The following C10orf90 variants were observed in gnomAD, a reference collection of about 807,000 sequenced individuals.
The protein encoded by C10orf90 is (E2-independent) E3 ubiquitin-conjugating enzyme FATS.
C10orf90 carries 56 observed loss-of-function variants against 62.5 expected under a neutral mutation model. That is an observed-to-expected ratio of 0.90 (90% CI 0.72 to 1.12). The LOEUF (loss-of-function observed/expected upper bound fraction) is 1.12. C10orf90 is among the 50% of genes most tolerant of loss of function. The pLI is 0.00. For missense variants in C10orf90, 970 were observed against 880.4 expected (o/e 1.10, Z -1.29); for synonymous variants, 386 against 340.4 (o/e 1.13, Z -1.47).
Position 126,504,019 on chromosome 10 carries a change from C to T in C10orf90, c.1472G>A (p.Cys491Tyr), listed in dbSNP as rs992291778. 1 of 1,613,942 alleles carries T rather than the reference C, an allele frequency of 6.2e-7. No individual in the cohort carries two copies. Reference protein sequence around the residue: ...RKGEKDHTTHCHASDHANQLS... With the variant: ...RKGEKDHTTHYHASDHANQLS... The stretch of plus-strand genomic sequence containing the variant: ...TTGGTTGGCATGATCGCTGGCGTGA[C>T]AATGAGTTGTATGGTCCTTTTCCCC... The change falls in exon 4 of 10, where the codon TGT becomes TAT. Residue 491 changes from cysteine (C) to tyrosine (Y), a missense_variant. Coordinates refer to ENST00000488181, the MANE Select transcript of C10orf90 (RefSeq NM_001350921.2). The surrounding 1 kb of genome is among the most constrained non-coding windows in gnomAD (Gnocchi z 4.1).
chr10:126,553,977 A>AT (rs1864699221), intron 2 of C10orf90, among the ~76,000 whole-genome samples: 1 of 152,134 alleles, frequency 6.6e-6, no homozygotes, highest in Non-Finnish European at 1.5e-5. Flanking sequence ...AAAAAACCCT[A>AT]TACCTACCCT....
chr10:126,555,721 A>T (rs554699169), intron 2 of C10orf90, among the ~76,000 whole-genome samples: 14 of 94,120 alleles, frequency 1.5e-4, no homozygotes, highest in Non-Finnish European at 3.1e-4. Flanking sequence ...AATAAATAAA[A>T]ATTAAATAAA....
chr10:126,559,414 C>T (rs531497304), intron 2 of C10orf90, among the ~76,000 whole-genome samples: 1 of 152,284 alleles, frequency 6.6e-6, no homozygotes, highest in South Asian at 2.1e-4. Context: ...AACATTTGCT[C>T]TCATCTGTCA....
chr10:126,484,152 C>T (rs867619381), intron 4 of C10orf90, among the ~76,000 whole-genome samples: 1 of 152,030 alleles, frequency 6.6e-6, no homozygotes, highest in East Asian at 1.9e-4. Flanking sequence ...AATTCATATG[C>T]CTTCTATATT....
In C10orf90 at chr10:126,555,280, G is replaced by T. The variant is rs536983153; in HGVS notation, c.314-41341C>A. The stretch of plus-strand genomic sequence containing the variant: ...AGCAGAGGGGTGAGGAGTAGGAAAT[G>T]AAACAAAAAAATAGAGCAGTATCCA... On this transcript the variant is annotated intron_variant, in intron 2 of 9. Transcript: ENST00000488181. 6.6e-5 allele frequency among the ~76,000 whole-genome samples: 10 copies of T among 151,802 alleles called. No individual in the cohort carries two copies. In the South Asian group the frequency reaches 1.9e-3, roughly 28 times the overall value.
At chr10:126,448,877 T>A (rs540621908) in intron 7 of C10orf90, among the ~76,000 whole-genome samples, 1 of 152,264 alleles carries the variant, frequency 6.6e-6, no homozygotes, top group South Asian at 2.1e-4. Context: ...GTAAGGAAAT[T>A]GAATCAGAAA....
intron 2 of C10orf90, among the ~76,000 whole-genome samples, chr10:126,579,736 C>G (rs924841453): frequency 2.0e-5 from 3 of 151,314 alleles, no homozygotes; most frequent in African/African-American, 4.9e-5. Flanking sequence ...TGCAAAATAT[C>G]TCACATATGT....
intron 2 of C10orf90, among the ~76,000 whole-genome samples, chr10:126,567,511 G>A (rs1844418139): frequency 1.3e-5 from 2 of 152,154 alleles, no homozygotes; most frequent in South Asian, 2.1e-4. Context: ...CGGGAGGCAT[G>A]AGACCCTCTT....
chr10:126,440,114 T>G (rs1013354764), intron 7 of C10orf90, among the ~76,000 whole-genome samples: 1 of 152,198 alleles, frequency 6.6e-6, no homozygotes, highest in East Asian at 1.9e-4. Flanking sequence ...GGGGAAGAAC[T>G]AAAGCCCTTT....
intron 2 of C10orf90, among the ~76,000 whole-genome samples, chr10:126,643,611 G>A (rs1342441549): frequency 2.6e-5 from 4 of 152,176 alleles, no homozygotes; most frequent in Non-Finnish European, 4.4e-5. Flanking sequence ...GGGTCCGCAC[G>A]CTCTTGCTGC....
intron 4 of C10orf90, among the ~76,000 whole-genome samples, chr10:126,473,643 A>G (rs1009196362): frequency 1.4e-5 from 2 of 146,150 alleles, no homozygotes; most frequent in African/African-American, 5.2e-5. Context: ...CCACCTCTGG[A>G]TTTTTATTTT....
At chr10:126,586,139 T>A (rs148320231) in intron 2 of C10orf90, among the ~76,000 whole-genome samples, 34 of 152,360 alleles carry the variant, frequency 2.2e-4, no homozygotes, top group East Asian at 2.1e-3. Flanking sequence ...TATTTCCTAA[T>A]AGCCAGCCTT....
chr10:126,515,102 C>T (rs763216123), intron 2 of C10orf90, among the ~76,000 whole-genome samples: 15 of 152,228 alleles, frequency 9.9e-5, no homozygotes, highest in South Asian at 2.1e-4. Context: ...TATACAGTCA[C>T]GCTCTGCATG....
intron 2 of C10orf90, among the ~76,000 whole-genome samples, chr10:126,518,391 C>A (rs542868375): frequency 2.2e-4 from 33 of 152,232 alleles, no homozygotes; most frequent in African/African-American, 7.9e-4. Context: ...CTTAAGACAT[C>A]TTTTACAGAT....
At chr10:126,507,341 A>G (rs1293196072) in intron 3 of C10orf90, among the ~76,000 whole-genome samples, 1 of 134,908 alleles carries the variant, frequency 7.4e-6, no homozygotes, top group Non-Finnish European at 1.5e-5. Context: ...TGGGTGACAG[A>G]GCGAGACTCC....
At chr10:126,524,687 C>T in intron 2 of C10orf90, 1 of 986,042 alleles carries the variant, frequency 1.0e-6, no homozygotes. Flanking sequence ...ATGTCAGCTC[C>T]TCCTCTGGGC....
At chr10:126,610,486 T>C (rs1845409346) in intron 2 of C10orf90, among the ~76,000 whole-genome samples, 1 of 152,200 alleles carries the variant, frequency 6.6e-6, no homozygotes, top group South Asian at 2.1e-4. Flanking sequence ...TCTGTCTCCT[T>C]CCAGGCCTCC....
intron 2 of C10orf90, among the ~76,000 whole-genome samples, chr10:126,570,644 C>T (rs1844487403): frequency 6.6e-6 from 1 of 152,152 alleles, no homozygotes; most frequent in African/African-American, 2.4e-5. Context: ...ATTCTCAAAG[C>T]AACTATTTCT....
rs779119044 is a variant in C10orf90 at position 126,453,934 on chromosome 10, G to C, written c.2188+5106C>G. ...GGAAATGAGACCAACTGGAAAGGTT[G>C]AGAGTGGGCAGAGTCAGGCTGAGAG... On this transcript the variant is annotated intron_variant, in intron 7 of 9. Coordinates refer to ENST00000488181, the MANE Select transcript of C10orf90 (RefSeq NM_001350921.2). This position sits in a 1 kb window ranked among gnomAD's most constrained non-coding sequence, Gnocchi z 4.9. Among the ~76,000 whole-genome samples, 78 of 152,196 alleles carry C rather than the reference G, an allele frequency of 5.1e-4. No homozygotes were observed. Among genetic ancestry groups the C allele is most frequent in the Non-Finnish European group, 9.6e-4 (65 of 68,026 alleles).
Sources: allele counts gnomAD v4.1 joint callset (sites outside exome capture counted in the v4.1 genomes callset), GRCh38; gene constraint gnomAD v4.1.1; non-coding constraint Gnocchi (gnomAD v3.1); transcripts MANE v1.5; gene names NCBI Gene and HGNC (gene_info 2026-07-23, HGNC 2026-07-21).